CNOT2: variants seen among roughly 807,000 people sequenced by gnomAD.
CNOT2 encodes the protein CC chemokine receptor 4-negative regulator of transcription 2.
Under a neutral mutation model 72.1 loss-of-function variants are expected in CNOT2, and 7 were observed. The ratio of observed to expected loss-of-function variants is 0.10; its 90% CI spans 0.06 to 0.18. The LOEUF is 0.18. Among genes scored for constraint, CNOT2 ranks in the 10% least tolerant of loss-of-function variants. The pLI is 1.00. For synonymous variants in CNOT2, 196 were observed against 225.6 expected, an observed-to-expected ratio of 0.87 and a Z score of 1.17; for missense variants, 345 against 660.3, an observed-to-expected ratio of 0.52 and a Z score of 5.23.
At chr12:70,339,012 TTATG>T (rs1156968098) in intron 11 of CNOT2, among the ~76,000 whole-genome samples, 190 bp downstream of exon 11, 4 of 108,188 alleles carry the variant, frequency 3.7e-5, no homozygotes, top group African/African-American at 1.3e-4. Flanking sequence ...ATTTGGCATT[TTATG>T]TGTGTGTGTG....
intron 2 of CNOT2, among the ~76,000 whole-genome samples, chr12:70,305,499 T>G (rs1051347935): frequency 6.6e-6 from 1 of 152,158 alleles, no homozygotes; most frequent in Non-Finnish European, 1.5e-5. Flanking sequence ...TGAAAAGATA[T>G]TGATGATATA....
intron 6 of CNOT2, chr12:70,331,092 G>A (rs2136027495): frequency 6.6e-6 from 1 of 152,016 alleles, no homozygotes; most frequent in Middle Eastern, 3.4e-3. Context: ...TGAGAATTAT[G>A]TCTGAAATAT....
rs749327205 is a variant in CNOT2, at chr12:70,346,319, G to C, written c.1531G>C (p.Ala511Pro). Residue 511 changes from alanine to proline, a missense_variant, in exon 15 of 16, where the codon GCT becomes CCT. Ala to Pro is a conservative substitution (Grantham distance 27). This residue lies in a region of CNOT2 where 53 missense variants were observed against 153.4 expected (regional missense o/e 0.35). Transcript: ENST00000229195. ...FFDCLNWRKV[A>P]KEFHLEYDKL... ...TGACTGTCTTAACTGGAGGAAAGTA[G>C]CTAAGGTATATTTCTTTCCATGTGC... The C allele has an allele frequency of 6.2e-7, 1 of 1,610,938 alleles. No homozygotes were observed. Among genetic ancestry groups the C allele is most frequent in the Admixed American group, 1.7e-5 (1 of 59,924 alleles).
intron 2 of CNOT2, among the ~76,000 whole-genome samples, chr12:70,298,461 C>T (rs1037687445): frequency 6.6e-6 from 1 of 152,142 alleles, no homozygotes; most frequent in African/African-American, 2.4e-5. Context: ...AGATATATAA[C>T]CTTAGGAAGT....
At chr12:70,336,675 C>G (rs1035159536) in intron 8 of CNOT2, 3 of 151,994 alleles carry the variant, frequency 2.0e-5, no homozygotes, top group Non-Finnish European at 2.9e-5. Flanking sequence ...AAGTTGAGTA[C>G]CTAGCTACTT....
At chr12:70,264,941 T>C (rs2135751040) in intron 1 of CNOT2, among the ~76,000 whole-genome samples, 1 of 152,342 alleles carries the variant, frequency 6.6e-6, no homozygotes, top group East Asian at 1.9e-4. Context: ...TATGTTTTTT[T>C]TCATTGATTG....
intron 2 of CNOT2, chr12:70,301,943 C>G (rs1433028639): frequency 6.6e-6 from 1 of 152,104 alleles, no homozygotes; most frequent in Non-Finnish European, 1.5e-5. Flanking sequence ...CTGGTTTAGT[C>G]TTGGGAGGGT....
rs756094011 is a variant in CNOT2 at position 70,353,900 on chromosome 12, T to TCAG, written c.1611_1613dup (p.Gln538dup). ...CATCCACCTTCAACTACAACCCTGC[T>TCAG]CAGCAAGCCTTCTAAAAAAAAAAAA... On this transcript the variant is annotated inframe_insertion, in exon 16 of 16. Transcript: ENST00000229195. 1 of 1,049,572 alleles carries TCAG rather than the reference T, an allele frequency of 9.5e-7. No individual in the cohort carries two copies. Among genetic ancestry groups the TCAG allele is most frequent in the Non-Finnish European group, 1.4e-6 (1 of 734,524 alleles). The allele number at this position is 1,049,572 out of a possible 1,614,324, so 65.0% of individuals were successfully genotyped here. A position where few individuals can be genotyped will look rare whatever the true frequency, so the allele number is the denominator to read the frequency against.
intron 3 of CNOT2, among the ~76,000 whole-genome samples, chr12:70,314,917 G>A (rs1452154562): frequency 6.6e-6 from 1 of 152,068 alleles, no homozygotes; most frequent in African/African-American, 2.4e-5. Flanking sequence ...AGGCTGGAGT[G>A]TAATGGCACG....
intron 2 of CNOT2, among the ~76,000 whole-genome samples, chr12:70,293,914 C>CTTT (rs34038348): frequency 0.099 from 7,085 of 71,320 alleles, 832 homozygotes; most frequent in Non-Finnish European, 0.15. Context: ...GTGAGCACTG[C>CTTT]TTTTTTTTTT....
intron 1 of CNOT2, among the ~76,000 whole-genome samples, chr12:70,255,687 A>G (rs1431147972): frequency 6.6e-6 from 1 of 152,196 alleles, no homozygotes; most frequent in African/African-American, 2.4e-5. Flanking sequence ...TAACAAAGGC[A>G]CTTACAAGCA....
At position 70,338,652 on chromosome 12, in the gene CNOT2, T is replaced by A. The variant is rs769567356; in HGVS notation, c.1022-14T>A. 6.2e-7 allele frequency: 1 copy of A among 1,604,058 alleles called. No homozygotes were observed. Among genetic ancestry groups the A allele is most frequent in the Non-Finnish European group, 8.5e-7 (1 of 1,176,610 alleles). On this transcript the variant is annotated splice_polypyrimidine_tract_variant and intron_variant, in intron 10 of 15. Transcript: ENST00000229195. ...TTTCTTGAAAATAAAAGCAACTGTG[T>A]TTTTCCTACCCAGGTCGGGTTACTA...
At position 70,274,875 on chromosome 12, in the gene CNOT2, T is replaced by C. The variant is rs79055527; in HGVS notation, c.-95-3257T>C. ...GAATTAACAGCTTCTTCCATTTTGT[T>C]GTTGAGAGTATTCTGTTGTGTAGAT... On this transcript the variant is annotated intron_variant, in intron 1 of 15. Transcript: ENST00000229195. Among the ~76,000 whole-genome samples the C allele has an allele frequency of 8.5e-5, 13 of 152,208 alleles. No individual in the cohort carries two copies. In the East Asian group the frequency reaches 2.1e-3, roughly 25 times the overall value.
At chr12:70,258,746 G>A (rs1401090038) in intron 1 of CNOT2, among the ~76,000 whole-genome samples, 1 of 152,202 alleles carries the variant, frequency 6.6e-6, no homozygotes, top group African/African-American at 2.4e-5. Flanking sequence ...GGTCAGGGAA[G>A]TCCTTTCCCA....
At chr12:70,352,572 A>T (rs890402346) in intron 15 of CNOT2, among the ~76,000 whole-genome samples, 1 of 152,206 alleles carries the variant, frequency 6.6e-6, no homozygotes, top group African/African-American at 2.4e-5. Flanking sequence ...ATAAGGTAAA[A>T]TATGTTAACC....
intron 1 of CNOT2, among the ~76,000 whole-genome samples, chr12:70,254,543 G>A (rs1593036157): frequency 6.6e-6 from 1 of 152,168 alleles, no homozygotes; most frequent in African/African-American, 2.4e-5. Context: ...ATGAATAACT[G>A]AAACTGAAGA....
In CNOT2 at chr12:70,354,121, T is replaced by G; in HGVS notation, c.*206T>G. The G allele has an allele frequency of 1.0e-6, 1 of 991,826 alleles. No individual in the cohort carries two copies. Among genetic ancestry groups the G allele is most frequent in the Non-Finnish European group, 1.3e-6 (1 of 743,826 alleles). 61.4% of individuals were successfully genotyped at this position (991,826 alleles called of 1,614,324 possible). ...CTGCCCAACAACTAAATTTGTAATT[T>G]GTTTTTCTCTAGTTTGAGCAGGGTC... is the stretch of plus-strand genomic sequence containing the variant. On this transcript the variant is annotated 3_prime_UTR_variant, in exon 16 of 16. Transcript: ENST00000229195.
chr12:70,323,656 C>G (rs752277487), intron 4 of CNOT2: 1 of 151,746 alleles, frequency 6.6e-6, no homozygotes, highest in Non-Finnish European at 1.5e-5. Flanking sequence ...GAATGGCCTA[C>G]TTTATCAAGA....
intron 1 of CNOT2, among the ~76,000 whole-genome samples, chr12:70,266,565 T>C (rs1307402237): frequency 6.6e-6 from 1 of 152,248 alleles, no homozygotes; most frequent in African/African-American, 2.4e-5. Context: ...AATGCTGGAA[T>C]GGTCAGTTTC....
Sources: gnomAD v4.1 joint callset for allele counts (sites outside exome capture counted in the v4.1 genomes callset) on GRCh38, gnomAD v4.1.1 for gene constraint, gnomAD v4.1.1 regional missense constraint, MANE v1.5 for transcripts, NCBI Gene and HGNC (gene_info 2026-07-23, HGNC 2026-07-21) for gene names.